The following JAZF1 variants were observed in gnomAD, a reference collection of about 807,000 sequenced individuals.
JAZF1 encodes the protein juxtaposed with another zinc finger protein 1.
A neutral mutation model predicts 26.4 loss-of-function variants in JAZF1; 8 were observed. The observed-to-expected ratio is 0.30, with a 90% CI of 0.18 to 0.55. The LOEUF is 0.55. Ranked by LOEUF, JAZF1 falls within the 20% of genes least tolerant of loss-of-function variation. The pLI, the probability that JAZF1 is intolerant of heterozygous loss-of-function variation, is 0.94. For synonymous variants in JAZF1, 126 were observed against 122.3 expected (o/e 1.03, Z -0.20); for missense variants, 199 against 322.0 (o/e 0.62, Z 2.92).
chr7:28,140,503 A>T (rs1290347050), intron 1 of JAZF1, among the ~76,000 whole-genome samples: 1 of 152,162 alleles, frequency 6.6e-6, no homozygotes, highest in African/African-American at 2.4e-5. Context: ...GCAGTCTAGG[A>T]AACATAACAC....
chr7:28,146,970 C>T (rs1783037797), intron 1 of JAZF1, among the ~76,000 whole-genome samples: 1 of 151,658 alleles, frequency 6.6e-6, no homozygotes, highest in African/African-American at 2.4e-5. Flanking sequence ...AATTCTTCTG[C>T]CTCAGCCTAC....
At chr7:28,088,129 C>T (rs919485148) in intron 1 of JAZF1, among the ~76,000 whole-genome samples, 3 of 152,316 alleles carry the variant, frequency 2.0e-5, no homozygotes, top group African/African-American at 4.8e-5. Context: ...CATCCCTTCA[C>T]GGAGCTTAAC....
At chr7:28,107,634 C>T (rs1784575277) in intron 1 of JAZF1, among the ~76,000 whole-genome samples, 1 of 152,134 alleles carries the variant, frequency 6.6e-6, no homozygotes, top group African/African-American at 2.4e-5. Context: ...ATTAAGTGAA[C>T]GTAGTCAACC....
chr7:28,098,240 G>A (rs1023870177), intron 1 of JAZF1, among the ~76,000 whole-genome samples: 4 of 152,016 alleles, frequency 2.6e-5, no homozygotes, highest in South Asian at 2.1e-4. Context: ...TGGACGTAGC[G>A]AGAAGACAGC....
chr7:28,057,452 A>G (rs1783730579), intron 1 of JAZF1, among the ~76,000 whole-genome samples: 1 of 152,192 alleles, frequency 6.6e-6, no homozygotes, highest in Non-Finnish European at 1.5e-5. Context: ...AGTACTTTAT[A>G]TGTATTATCT....
intron 3 of JAZF1, among the ~76,000 whole-genome samples, chr7:27,861,321 T>A (rs1013956151): frequency 5.9e-5 from 9 of 152,192 alleles, no homozygotes; most frequent in Admixed American, 1.3e-4. Flanking sequence ...AATTTTTTTT[T>A]TATAATTTCC....
chr7:27,903,719 G>A (rs561130148), intron 2 of JAZF1, among the ~76,000 whole-genome samples: 1 of 152,314 alleles, frequency 6.6e-6, no homozygotes, highest in East Asian at 1.9e-4. Context: ...GGCAACAGGA[G>A]ACCCTCCATG....
At chr7:28,005,715 G>C (rs549892727) in intron 1 of JAZF1, among the ~76,000 whole-genome samples, 1 of 151,964 alleles carries the variant, frequency 6.6e-6, no homozygotes, top group East Asian at 1.9e-4. Flanking sequence ...CTAATGAGTA[G>C]GGGAGCATGC....
At chr7:27,904,565 A>G (rs1009236779) in intron 2 of JAZF1, among the ~76,000 whole-genome samples, 1 of 152,210 alleles carries the variant, frequency 6.6e-6, no homozygotes, top group African/African-American at 2.4e-5. Flanking sequence ...TAATGCTTTA[A>G]ATAATCCTAT....
chr7:28,044,324 A>G (rs1783456539), intron 1 of JAZF1, among the ~76,000 whole-genome samples: 1 of 152,112 alleles, frequency 6.6e-6, no homozygotes, highest in South Asian at 2.1e-4. Context: ...ACCTTGAACA[A>G]AGGCAAGCAA....
At chr7:28,043,611 C>T (rs868060333) in intron 1 of JAZF1, among the ~76,000 whole-genome samples, 21 of 152,148 alleles carry the variant, frequency 1.4e-4, no homozygotes, top group African/African-American at 4.8e-4. Flanking sequence ...GTAGAATTAC[C>T]ATATGACGGG....
chr7:27,972,945 G>GAA (rs1209239829), intron 2 of JAZF1, among the ~76,000 whole-genome samples: 1 of 123,716 alleles, frequency 8.1e-6, no homozygotes, highest in Non-Finnish European at 1.9e-5. Flanking sequence ...ATATGTGTGT[G>GAA]TATATATACA....
At chr7:28,105,719 C>T (rs189055733) in intron 1 of JAZF1, among the ~76,000 whole-genome samples, 3 of 152,340 alleles carry the variant, frequency 2.0e-5, no homozygotes, top group Non-Finnish European at 4.4e-5. Flanking sequence ...GCTTGACTTG[C>T]TCCTCTCATC....
At chr7:28,149,836 G>C (rs1004111876) in intron 1 of JAZF1, among the ~76,000 whole-genome samples, 2 of 152,054 alleles carry the variant, frequency 1.3e-5, no homozygotes, top group Non-Finnish European at 2.9e-5. Context: ...TCTTCCCTAC[G>C]TTTTCTTCCC....
intron 2 of JAZF1, among the ~76,000 whole-genome samples, chr7:27,905,003 G>A (rs925955665): frequency 1.3e-5 from 2 of 152,124 alleles, no homozygotes; most frequent in Admixed American, 6.6e-5. Flanking sequence ...GTGCCATCAC[G>A]GCTCATTGCA....
At chr7:27,845,711 A>AAAAAAAAAAAAAAAG (rs1554328474) in intron 3 of JAZF1, among the ~76,000 whole-genome samples, 12 of 137,670 alleles carry the variant, frequency 8.7e-5, no homozygotes, top group African/African-American at 1.4e-4. Context: ...AAAAAAAAAA[A>AAAAAAAAAAAAAAAG]AAAGAAAAGA....
At chr7:28,131,038 A>G (rs906391284) in intron 1 of JAZF1, among the ~76,000 whole-genome samples, 1 of 152,190 alleles carries the variant, frequency 6.6e-6, no homozygotes, top group Admixed American at 6.6e-5. Context: ...TCCCAAACTG[A>G]GCTTATCATC....
At chr7:27,915,606 C>A (rs1397790094) in intron 2 of JAZF1, among the ~76,000 whole-genome samples, 1 of 152,072 alleles carries the variant, frequency 6.6e-6, no homozygotes, top group Non-Finnish European at 1.5e-5. Context: ...AGGTGAAGTG[C>A]AAAGTTTCAC....
intron 1 of JAZF1, among the ~76,000 whole-genome samples, chr7:28,060,048 A>G (rs1783773512): frequency 6.6e-6 from 1 of 152,168 alleles, no homozygotes; most frequent in African/African-American, 2.4e-5. Flanking sequence ...TGTGTCTACT[A>G]CATTCTAAAT....
Sources: allele counts gnomAD v4.1 joint callset (sites outside exome capture counted in the v4.1 genomes callset), GRCh38; gene constraint gnomAD v4.1.1; transcripts MANE v1.5; gene names NCBI Gene and HGNC (gene_info 2026-07-23, HGNC 2026-07-21).